Variants in EML6 observed in about 807,000 individuals in gnomAD.
EML6 encodes the protein echinoderm microtubule-associated protein-like 6.
EML6 carries 154 observed loss-of-function variants against 240.1 expected under a neutral mutation model. The observed-to-expected ratio is 0.64, with a 90% CI of 0.56 to 0.73. The LOEUF (loss-of-function observed/expected upper bound fraction) is 0.73, where lower values mean the gene tolerates loss of function less well. EML6 is among the 30% of genes least tolerant of loss of function. EML6 has a pLI of 0.00. For missense variants in EML6, 2,964 were observed against 2,474.6 expected (o/e 1.20, Z -4.20); for synonymous variants, 1,148 against 899.0 (o/e 1.28, Z -4.95).
Position 54,959,130 on chromosome 2 carries a change from C to A in EML6, c.4722C>A (p.Ile1574=). The change falls in exon 34 of 42, where the codon ATC becomes ATA. Residue 1574 remains isoleucine (I), a synonymous_variant. Coordinates refer to ENST00000356458, the MANE Select transcript of EML6 (RefSeq NM_001039753.4). ...GANNLTFTGA[I]NGDVYVWKDH... ...ACAATCTCACTTTCACGGGTGCCATCAATGGAGATGTCTACGTCTGGAAGG... is the reference window on the plus strand; with the variant it reads ...ACAATCTCACTTTCACGGGTGCCATAAATGGAGATGTCTACGTCTGGAAGG... The A allele has an allele frequency of 6.4e-7, 1 of 1,551,370 alleles. No individual in the cohort carries two copies. The highest frequency in any genetic ancestry group is 1.2e-5 in the South Asian group (1 of 83,966).
At chr2:54,944,743 C>T (rs1675593853) in intron 28 of EML6, among the ~76,000 whole-genome samples, 1 of 152,078 alleles carries the variant, frequency 6.6e-6, no homozygotes, top group South Asian at 2.1e-4. Flanking sequence ...CTGCCTGAAT[C>T]CTTTCCATCA....
intron 8 of EML6, among the ~76,000 whole-genome samples, chr2:54,845,258 A>G (rs1669685894): frequency 6.6e-6 from 1 of 152,164 alleles, no homozygotes; most frequent in Admixed American, 6.5e-5. Flanking sequence ...GTGTGACATA[A>G]ATGGTTATTT....
At chr2:54,851,130 C>A (rs998691553) in intron 10 of EML6, among the ~76,000 whole-genome samples, 1 of 152,096 alleles carries the variant, frequency 6.6e-6, no homozygotes, top group Non-Finnish European at 1.5e-5. Flanking sequence ...CCAATGAGGC[C>A]AGGCATGGTG....
Position 54,971,933 on chromosome 2 carries a change from G to C in EML6, c.*1838G>C, listed in dbSNP as rs1677041637. 6.6e-6 allele frequency: 1 copy of C among 152,196 alleles called. No homozygotes were observed. The highest frequency in any genetic ancestry group is 1.5e-5 in the Non-Finnish European group (1 of 68,034). The allele number at this position is 152,196 out of a possible 1,614,324, so 9.4% of individuals were successfully genotyped here. A position where few individuals can be genotyped will look rare whatever the true frequency, so the allele number is the denominator to read the frequency against. Reference sequence around the variant, plus strand: ...ATCCTGCACTGTATGATATATGTGAGTTAAAACATTGGTGCATGAATTTAT... The same window carrying C: ...ATCCTGCACTGTATGATATATGTGACTTAAAACATTGGTGCATGAATTTAT... On this transcript the variant is annotated 3_prime_UTR_variant, in exon 42 of 42. Coordinates refer to ENST00000356458, the MANE Select transcript of EML6 (RefSeq NM_001039753.4).
At chr2:54,835,982 C>A (rs529643259) in intron 7 of EML6, among the ~76,000 whole-genome samples, 4 of 152,172 alleles carry the variant, frequency 2.6e-5, no homozygotes, top group African/African-American at 9.7e-5. Flanking sequence ...TCTCCAGTCC[C>A]GCGGGCGGCT....
chr2:54,739,679 A>G (rs990535652), intron 2 of EML6, among the ~76,000 whole-genome samples: 1 of 152,184 alleles, frequency 6.6e-6, no homozygotes, highest in African/African-American at 2.4e-5. Context: ...TTAGTTACCC[A>G]AAGTGTGTGA....
At chr2:54,815,088 A>G (rs1014748455) in intron 3 of EML6, among the ~76,000 whole-genome samples, 1 of 152,236 alleles carries the variant, frequency 6.6e-6, no homozygotes, top group African/African-American at 2.4e-5. Flanking sequence ...TTCTTTATCA[A>G]TTTGTTCTGA....
intron 37 of EML6, 73 bp downstream of exon 37, chr2:54,964,231 C>T (rs1381438216): frequency 5.5e-6 from 8 of 1,456,434 alleles, no homozygotes; most frequent in African/African-American, 1.4e-5. Flanking sequence ...CCATTCCAGC[C>T]ACGGCTGGAA....
intron 2 of EML6, among the ~76,000 whole-genome samples, chr2:54,761,413 T>C (rs1249142107): frequency 6.6e-6 from 1 of 152,198 alleles, no homozygotes; most frequent in African/African-American, 2.4e-5. Context: ...GTGTTTATAA[T>C]TTCTGGTAAG....
chr2:54,968,410 A>C (rs556179016), intron 40 of EML6, 129 bp downstream of exon 40: 1 of 935,914 alleles, frequency 1.1e-6, no homozygotes, highest in African/African-American at 1.7e-5. Context: ...GAAATATGGC[A>C]ATGAGTTTTT....
chr2:54,841,070 A>C (rs1669421860), intron 7 of EML6, among the ~76,000 whole-genome samples: 1 of 146,820 alleles, frequency 6.8e-6, no homozygotes, highest in Non-Finnish European at 1.5e-5. Context: ...GAAACCCCGA[A>C]AAGGGTAGGC....
At chr2:54,950,831 CT>C (rs1558719031) in intron 30 of EML6, 52 bp downstream of exon 30, 1 of 1,520,338 alleles carries the variant, frequency 6.6e-7, no homozygotes, top group Non-Finnish European at 8.9e-7. Context: ...TTTTTACATG[CT>C]TTCCCCACTC....
intron 2 of EML6, among the ~76,000 whole-genome samples, chr2:54,801,598 A>G (rs1484963147): frequency 2.6e-5 from 4 of 152,154 alleles, no homozygotes; most frequent in African/African-American, 9.7e-5. Context: ...TCCCCATGAA[A>G]CCATTTCTGT....
chr2:54,887,177 C>T (rs1301038636), intron 17 of EML6, among the ~76,000 whole-genome samples: 1 of 152,182 alleles, frequency 6.6e-6, no homozygotes, highest in East Asian at 1.9e-4. Flanking sequence ...GTTCTGGGAG[C>T]ATTGACCTGA....
chr2:54,732,018 A>G (rs982698337), intron 2 of EML6, among the ~76,000 whole-genome samples: 1 of 152,142 alleles, frequency 6.6e-6, no homozygotes. Flanking sequence ...GTGAAATGAT[A>G]TCTCATTGTG....
At chr2:54,789,100 T>C (rs1038732320) in intron 2 of EML6, among the ~76,000 whole-genome samples, 6 of 152,234 alleles carry the variant, frequency 3.9e-5, no homozygotes, top group African/African-American at 1.4e-4. Context: ...CTTAATTCCT[T>C]CAGCACTTTG....
At chr2:54,927,764 G>C (rs1674632835) in intron 26 of EML6, among the ~76,000 whole-genome samples, 1 of 152,202 alleles carries the variant, frequency 6.6e-6, no homozygotes, top group African/African-American at 2.4e-5. Context: ...AAGGAGCTTT[G>C]CTTTAAATCA....
intron 2 of EML6, among the ~76,000 whole-genome samples, chr2:54,732,513 G>T (rs1268781871): frequency 6.6e-6 from 1 of 152,036 alleles, no homozygotes; most frequent in African/African-American, 2.4e-5. Flanking sequence ...CTTGCATGTG[G>T]ATATCTGGTT....
intron 7 of EML6, among the ~76,000 whole-genome samples, chr2:54,833,158 A>T (rs994793746): frequency 1.3e-5 from 2 of 152,230 alleles, no homozygotes; most frequent in African/African-American, 4.8e-5. Flanking sequence ...AGTATTAGCA[A>T]AAATTAAGAA....
Sources: gnomAD v4.1 joint callset for allele counts (sites outside exome capture counted in the v4.1 genomes callset) on GRCh38, gnomAD v4.1.1 for gene constraint, MANE v1.5 for transcripts, NCBI Gene and HGNC (gene_info 2026-07-23, HGNC 2026-07-21) for gene names.